ETNK1: variants seen among roughly 807,000 people sequenced by gnomAD.
ETNK1 encodes the protein putative protein product of Nbla10396.
A neutral mutation model predicts 45.1 loss-of-function variants in ETNK1; 8 were observed. The ratio of observed to expected loss-of-function variants is 0.18; its 90% CI spans 0.10 to 0.32. The LOEUF (loss-of-function observed/expected upper bound fraction) is 0.32. Ranked by LOEUF, ETNK1 falls within the 10% of genes least tolerant of loss-of-function variation. The pLI is 1.00. For synonymous variants in ETNK1, 152 were observed against 151.9 expected (o/e 1.00, Z -0.01); for missense variants, 302 against 430.6 (o/e 0.70, Z 2.64).
chr12:22,683,722 G>T (rs1318978465), intron 6 of ETNK1, among the ~76,000 whole-genome samples: 1 of 151,964 alleles, frequency 6.6e-6, no homozygotes, highest in Non-Finnish European at 1.5e-5. Flanking sequence ...TTTTGTTAGA[G>T]CCCCTTTGTT....
intron 6 of ETNK1, among the ~76,000 whole-genome samples, chr12:22,679,681 G>A (rs1010451199): frequency 6.7e-6 from 1 of 149,056 alleles, no homozygotes; most frequent in Admixed American, 6.7e-5. Flanking sequence ...TCATATTCGT[G>A]TTTTTTGTTC....
chr12:22,641,820 A>G (rs761842767), intron 1 of ETNK1, among the ~76,000 whole-genome samples: 162 of 152,210 alleles, frequency 1.1e-3, no homozygotes, highest in Admixed American at 3.7e-3. Context: ...GTTTCTTTCC[A>G]GTTATGTAGC....
At chr12:22,637,202 A>G (rs1045422329) in intron 1 of ETNK1, among the ~76,000 whole-genome samples, 3 of 152,248 alleles carry the variant, frequency 2.0e-5, no homozygotes, top group Admixed American at 2.0e-4. Flanking sequence ...CTCTCAAGAC[A>G]TTAAGCCGGG....
intron 4 of ETNK1, among the ~76,000 whole-genome samples, chr12:22,669,301 T>C (rs1270321767): frequency 6.6e-6 from 1 of 150,874 alleles, no homozygotes; most frequent in Non-Finnish European, 1.5e-5. Context: ...TTATTTCTAT[T>C]ACTTATTGTA....
At chr12:22,628,825 T>A (rs1333617861) in intron 1 of ETNK1, among the ~76,000 whole-genome samples, 1 of 152,154 alleles carries the variant, frequency 6.6e-6, no homozygotes, top group Non-Finnish European at 1.5e-5. Context: ...GTAATTATTA[T>A]TTAACATTAC....
In ETNK1 at chr12:22,644,662, T is replaced by C. The variant is rs191767562; in HGVS notation, c.416+640T>C. 2.6e-4 allele frequency: 40 copies of C among 156,114 alleles called. No individual in the cohort carries two copies. The East Asian group carries it at 6.9e-3, about 27-fold the overall frequency. 9.7% of individuals were successfully genotyped at this position (156,114 alleles called of 1,614,324 possible). A position where few individuals can be genotyped will look rare whatever the true frequency, so the allele number is the denominator to read the frequency against. ...TGGGCTCTTTGTTTTAATATTTGAT[T>C]AATGTTTATCAATATTTACCATATT... On this transcript the variant is annotated intron_variant, in intron 2 of 7. Coordinates refer to ENST00000266517, the MANE Select transcript of ETNK1 (RefSeq NM_018638.5).
At chr12:22,640,352 T>C (rs1953719521) in intron 1 of ETNK1, among the ~76,000 whole-genome samples, 1 of 151,692 alleles carries the variant, frequency 6.6e-6, no homozygotes, top group African/African-American at 2.4e-5. Context: ...TAGTACTAAC[T>C]TGAGAGAGTA....
intron 1 of ETNK1, among the ~76,000 whole-genome samples, chr12:22,634,312 G>C (rs1565862294): frequency 6.6e-6 from 1 of 152,006 alleles, no homozygotes; most frequent in Non-Finnish European, 1.5e-5. Flanking sequence ...GTTGTATATA[G>C]TCTCTTTTTT....
At chr12:22,644,425 C>T (rs1953780820) in intron 2 of ETNK1, 3 of 1,124,106 alleles carry the variant, frequency 2.7e-6, no homozygotes, top group Admixed American at 7.9e-5. Flanking sequence ...ATTCTTTGTT[C>T]TTTACGTTGT....
chr12:22,633,470 T>C (rs1340018171), intron 1 of ETNK1, among the ~76,000 whole-genome samples: 2 of 152,238 alleles, frequency 1.3e-5, no homozygotes, highest in African/African-American at 2.4e-5. Flanking sequence ...GATGTAGTTA[T>C]TATAGGCTTT....
chr12:22,678,877 A>G (rs180689281), intron 6 of ETNK1, among the ~76,000 whole-genome samples: 102 of 152,322 alleles, frequency 6.7e-4, no homozygotes, highest in African/African-American at 2.4e-3. Context: ...GTCACAGACT[A>G]AGTGTTCAGA....
rs1445153248 is a variant in ETNK1 at position 22,689,479 on chromosome 12, A to C, written c.*4525A>C. On this transcript the variant is annotated 3_prime_UTR_variant, in exon 8 of 8. Coordinates refer to ENST00000266517, the MANE Select transcript of ETNK1 (RefSeq NM_018638.5). ...TCTTAATCCCATTGTTTTGGTTAAC[A>C]TCTTACCCATTTGTTGTATTTCAAA... 6.6e-6 allele frequency: 1 copy of C among 152,070 alleles called. No individual in the cohort carries two copies. The highest frequency in any genetic ancestry group is 6.5e-5 in the Admixed American group (1 of 15,268). 9.4% of individuals were successfully genotyped at this position (152,070 alleles called of 1,614,324 possible). A position where few individuals can be genotyped will look rare whatever the true frequency, so the allele number is the denominator to read the frequency against.
rs759817342 is a variant in ETNK1 at position 22,659,123 on chromosome 12, A to G, written c.526A>G (p.Thr176Ala). The G allele has an allele frequency of 1.2e-6, 2 of 1,613,766 alleles. No homozygotes were observed. Among genetic ancestry groups the G allele is most frequent in the Admixed American group, 1.7e-5 (1 of 59,984 alleles). Residue 176 changes from threonine to alanine, a missense_variant, in exon 3 of 8, where the codon ACA becomes GCA. Physicochemically the swap from Thr to Ala is moderately conservative, Grantham distance 58. Coordinates refer to ENST00000266517, the MANE Select transcript of ETNK1 (RefSeq NM_018638.5). ...KMGKYFSLIP[T>A]GFADEDINKR... ...GGGAAAGTATTTCTCTCTCATTCCCACAGGATTTGCAGATGAAGACATTAA... is the reference window on the plus strand; with the variant it reads ...GGGAAAGTATTTCTCTCTCATTCCCGCAGGATTTGCAGATGAAGACATTAA...
chr12:22,689,488 A>G lies in ETNK1; in HGVS notation c.*4534A>G, dbSNP rs575027541. 18 of 152,126 alleles carry G rather than the reference A, an allele frequency of 1.2e-4. No individual in the cohort carries two copies. The East Asian group carries it at 3.5e-3, about 29-fold the overall frequency. The allele number at this position is 152,126 out of a possible 1,614,324, so 9.4% of individuals were successfully genotyped here. ...CATTGTTTTGGTTAACATCTTACCC[A>G]TTTGTTGTATTTCAAATGCCATTAA... On this transcript the variant is annotated 3_prime_UTR_variant, in exon 8 of 8. Transcript: ENST00000266517.
rs1413119222 is a variant in ETNK1, at chr12:22,687,408, T to G, written c.*2454T>G. 1.3e-5 allele frequency: 2 copies of G among 152,314 alleles called. No individual in the cohort carries two copies. Among genetic ancestry groups the G allele is most frequent in the African/African-American group, 4.8e-5 (2 of 41,400 alleles). 9.4% of individuals were successfully genotyped at this position (152,314 alleles called of 1,614,324 possible). ...TAAGGAACTTGAATGCCTTACCTAA[T>G]AACTCAACTAGTAGTAAGCTCATTT... On this transcript the variant is annotated 3_prime_UTR_variant, in exon 8 of 8. Coordinates refer to ENST00000266517, the MANE Select transcript of ETNK1 (RefSeq NM_018638.5).
At chr12:22,677,620 T>C (rs1415324077) in intron 6 of ETNK1, among the ~76,000 whole-genome samples, 1 of 152,256 alleles carries the variant, frequency 6.6e-6, no homozygotes, top group Non-Finnish European at 1.5e-5. Context: ...ATTTTCACAA[T>C]ATTTATTCTT....
At chr12:22,641,605 TAAACC>T (rs1953738326) in intron 1 of ETNK1, among the ~76,000 whole-genome samples, 1 of 152,110 alleles carries the variant, frequency 6.6e-6, no homozygotes, top group African/African-American at 2.4e-5. Context: ...TTTCCACTAG[TAAACC>T]AGGTTCATTG....
chr12:22,634,503 G>A (rs1429241158), intron 1 of ETNK1, among the ~76,000 whole-genome samples: 1 of 152,114 alleles, frequency 6.6e-6, no homozygotes, highest in Non-Finnish European at 1.5e-5. Flanking sequence ...TTTAAGGTCT[G>A]TAGTGAAGTT....
chr12:22,676,244 G>C (rs896985688), intron 6 of ETNK1, among the ~76,000 whole-genome samples: 3 of 152,146 alleles, frequency 2.0e-5, no homozygotes, highest in Non-Finnish European at 4.4e-5. Context: ...CCACTTATGA[G>C]TGAGAAAATG....
Sources: gnomAD v4.1 joint callset for allele counts (sites outside exome capture counted in the v4.1 genomes callset) on GRCh38, gnomAD v4.1.1 for gene constraint, MANE v1.5 for transcripts, NCBI Gene and HGNC (gene_info 2026-07-23, HGNC 2026-07-21) for gene names.